Variants in ASPDH observed in about 807,000 individuals in gnomAD.
ASPDH encodes aspartate dehydrogenase domain containing, also known as aspartate dehydrogenase domain-containing protein.
A neutral mutation model predicts 30.5 loss-of-function variants in ASPDH; 25 were observed. The observed-to-expected ratio is 0.82, with a 90% confidence interval of 0.60 to 1.14. The LOEUF is 1.14. Ranked by LOEUF, ASPDH falls within the 50% of genes most tolerant of loss-of-function variation. The pLI is 0.00. For missense variants in ASPDH, 401 were observed against 381.5 expected, an observed-to-expected ratio of 1.05 and a Z score of -0.43; for synonymous variants, 168 against 156.3, an observed-to-expected ratio of 1.07 and a Z score of -0.56.
chr19:50,512,735 C>G lies in ASPDH; in HGVS notation c.358G>C (p.Ala120Pro), dbSNP rs934329482. 1 of 1,554,598 alleles carries G rather than the reference C, an allele frequency of 6.4e-7. No individual in the cohort carries two copies. Residue 120 changes from alanine (A) to proline (P), a missense_variant, in exon 4 of 7, where the codon GCC (alanine) becomes CCC (proline). Ala to Pro is a conservative substitution (Grantham distance 27). Coordinates refer to ENST00000389208, the MANE Select transcript of ASPDH (RefSeq NM_001114598.2). ...LLEASQHWDH[A>P]VFVARGALWG... ...AGGGCCCCTCGGGCCACAAACACGGCGTGGTCCCAGTGCTGTGAGGCCTCC... is the reference window on the plus strand; with the variant it reads ...AGGGCCCCTCGGGCCACAAACACGGGGTGGTCCCAGTGCTGTGAGGCCTCC...
In ASPDH at chr19:50,513,404, A is replaced by G; in HGVS notation, c.65T>C (p.Val22Ala). 1 of 1,514,830 alleles carries G rather than the reference A, an allele frequency of 6.6e-7. No homozygotes were observed. The allele number at this position is 1,514,830 out of a possible 1,614,324, so 93.8% of individuals were successfully genotyped here. A position where few individuals can be genotyped will look rare whatever the true frequency, so the allele number is the denominator to read the frequency against. Residue 22 changes from valine to alanine, a missense_variant, in exon 2 of 7, where the codon GTC becomes GCC. Transcript: ENST00000389208. This position sits in a 1 kb window ranked among gnomAD's most constrained non-coding sequence, Gnocchi z 4.9. ...TGGTCCCTGAGCCAAGAGGCGGGAG[A>G]CGAGGGACTGTCCTGGGGAGAGGGA... Reference protein sequence around the residue: ...VGYGRLGQSLVSRLLAQGPEL... With the variant: ...VGYGRLGQSLASRLLAQGPEL...
chr19:50,511,940 T>A (rs1555804015), intron 6 of ASPDH, 167 bp from the exon 7 acceptor site: 1 of 317,798 alleles, frequency 3.1e-6, no homozygotes, highest in East Asian at 5.4e-5. Context: ...AGAGTCTCGA[T>A]CAGAGGCGGG....
At position 50,512,644 on chromosome 19, in the gene ASPDH, A is replaced by G. The variant is rs1980014100; in HGVS notation, c.432+17T>C. On this transcript the variant is annotated intron_variant, in intron 4 of 6. Transcript: ENST00000389208. ...TGCAGGCCTCCCCTGGTTCCTGGGG[A>G]GCCCAGCAGGCCTCACCCGGAGGCC... The G allele has an allele frequency of 6.6e-7, 1 of 1,518,248 alleles. No homozygotes were observed. The highest frequency in any genetic ancestry group is 8.8e-7 in the Non-Finnish European group (1 of 1,132,670). 94.0% of individuals were successfully genotyped at this position (1,518,248 alleles called of 1,614,324 possible).
chr19:50,513,008 G>A lies in ASPDH; in HGVS notation c.201C>T (p.Arg67=), dbSNP rs1223679989. The A allele has an allele frequency of 1.2e-6, 2 of 1,612,840 alleles. No individual in the cohort carries two copies. Among genetic ancestry groups the A allele is most frequent in the South Asian group, 1.1e-5 (1 of 90,958 alleles). The change falls in exon 3 of 7, where the codon CGC becomes CGT. Residue 67 remains arginine, a synonymous_variant. Coordinates refer to ENST00000389208, the MANE Select transcript of ASPDH (RefSeq NM_001114598.2). The surrounding 1 kb of genome is among the most constrained non-coding windows in gnomAD (Gnocchi z 4.9). ...LQNLAALGER[R]PDLVVEVAHP... is the part of the protein sequence containing the mutation. ...GGGCCACTTCCACAACCAGATCAGG[G>A]CGCCTGGGAGAGGGGAAAGAGGGCG...
Position 50,512,733 on chromosome 19 carries a change from G to A in ASPDH, c.360C>T (p.Ala120=), listed in dbSNP as rs1358621493. 18 of 1,554,208 alleles carry A rather than the reference G, an allele frequency of 1.2e-5. No homozygotes were observed. Among genetic ancestry groups the A allele is most frequent in the African/African-American group, 6.8e-5 (5 of 73,300 alleles). Residue 120 remains alanine (A), a synonymous_variant, in exon 4 of 7, where the codon GCC becomes GCT. Transcript: ENST00000389208. The part of the protein sequence containing the change: ...LLEASQHWDH[A]VFVARGALWG... ...ACAGGGCCCCTCGGGCCACAAACAC[G>A]GCGTGGTCCCAGTGCTGTGAGGCCT...
rs1286808510 is a variant in ASPDH, at chr19:50,512,308, G to A, written c.654-18C>T. Reference sequence around the variant, plus strand: ...CCGTGAGGCTGGGACAAGAGGGGCAGTCAGTCTGGAGAGCCTGGACTCAGC... The same window carrying A: ...CCGTGAGGCTGGGACAAGAGGGGCAATCAGTCTGGAGAGCCTGGACTCAGC... On this transcript the variant is annotated intron_variant, in intron 5 of 6. Coordinates refer to ENST00000389208, the MANE Select transcript of ASPDH (RefSeq NM_001114598.2). The A allele has an allele frequency of 1.2e-6, 2 of 1,613,748 alleles. No individual in the cohort carries two copies. The highest frequency in any genetic ancestry group is 1.7e-5 in the Admixed American group (1 of 59,988).
chr19:50,512,297 CAA>C lies in ASPDH; in HGVS notation c.654-9_654-8del. 1 of 1,613,812 alleles carries C rather than the reference CAA, an allele frequency of 6.2e-7. No homozygotes were observed. The highest frequency in any genetic ancestry group is 1.1e-5 in the South Asian group (1 of 91,082). On this transcript the variant is annotated splice_region_variant and splice_polypyrimidine_tract_variant and intron_variant, in intron 5 of 6. Coordinates refer to ENST00000389208, the MANE Select transcript of ASPDH (RefSeq NM_001114598.2). ...CACGTGCATGTCCGTGAGGCTGGGA[CAA>C]GAGGGGCAGTCAGTCTGGAGAGCCT...
chr19:50,514,508 A>G (rs756368145), upstream of ASPDH: 2 of 1,613,834 alleles, frequency 1.2e-6, no homozygotes, highest in South Asian at 1.1e-5. Flanking sequence ...TCTGTCCCCC[A>G]TCGTGCCACC....
upstream of ASPDH, chr19:50,514,877 A>G: frequency 1.0e-6 from 1 of 984,964 alleles, no homozygotes; most frequent in Non-Finnish European, 1.2e-6. Context: ...GCGGGCAGAC[A>G]GAGAGGGGCC....
Position 50,513,100 on chromosome 19 carries a change from C to T in ASPDH, c.198-89G>A. ...CCCTCCGAGTCTACTGAGGGCTGCC[C>T]TTCTTCTCCCTGACCTGGGAGGCGA... On this transcript the variant is annotated intron_variant, in intron 2 of 6. Coordinates refer to ENST00000389208, the MANE Select transcript of ASPDH (RefSeq NM_001114598.2). The surrounding 1 kb of genome is among the most constrained non-coding windows in gnomAD (Gnocchi z 4.9). 3.0e-6 allele frequency: 4 copies of T among 1,316,702 alleles called. No individual in the cohort carries two copies. The South Asian group carries it at 5.6e-5, about 18-fold the overall frequency. The allele number at this position is 1,316,702 out of a possible 1,614,324, so 81.6% of individuals were successfully genotyped here. A position where few individuals can be genotyped will look rare whatever the true frequency, so the allele number is the denominator to read the frequency against.
chr19:50,512,302 G>A lies in ASPDH; in HGVS notation c.654-12C>T. 5 of 1,613,864 alleles carry A rather than the reference G, an allele frequency of 3.1e-6. No individual in the cohort carries two copies. Among genetic ancestry groups the A allele is most frequent in the South Asian group, 1.1e-5 (1 of 91,082 alleles). ...GCATGTCCGTGAGGCTGGGACAAGA[G>A]GGGCAGTCAGTCTGGAGAGCCTGGA... On this transcript the variant is annotated splice_polypyrimidine_tract_variant and intron_variant, in intron 5 of 6. Coordinates refer to ENST00000389208, the MANE Select transcript of ASPDH (RefSeq NM_001114598.2).
chr19:50,514,991 A>G (rs1348791611), upstream of ASPDH: 2 of 985,288 alleles, frequency 2.0e-6, no homozygotes, highest in Non-Finnish European at 2.4e-6. Flanking sequence ...GCCTGGGTGT[A>G]GACAGAGCCA....
chr19:50,513,928 T>A, upstream of ASPDH: 12 of 1,370,476 alleles, frequency 8.8e-6, no homozygotes, highest in Non-Finnish European at 9.8e-6. This position sits in a 1 kb window ranked among gnomAD's most constrained non-coding sequence, Gnocchi z 4.9. Flanking sequence ...CTTGAGCCTC[T>A]GGGCTCAGTC....
intron 3 of ASPDH, 23 bp downstream of exon 3, chr19:50,512,904 T>C: frequency 2.5e-6 from 4 of 1,609,440 alleles, no homozygotes; most frequent in Non-Finnish European, 3.4e-6. Context: ...GGGCTCTGCG[T>C]AAATGGTTGG....
intron 6 of ASPDH, 151 bp downstream of exon 6, chr19:50,511,985 A>G (rs1254283330): frequency 1.3e-6 from 1 of 787,486 alleles, no homozygotes; most frequent in African/African-American, 1.8e-5. Context: ...CAGGATTCAA[A>G]GTCATGGAGA....
upstream of ASPDH, chr19:50,514,814 CGGG>C: frequency 3.1e-5 from 14 of 447,074 alleles, no homozygotes; most frequent in Non-Finnish European, 4.3e-5. Flanking sequence ...GTGGGGGGGG[CGGG>C]CACTGGGTGG....
rs1255866805 is a variant in ASPDH, at chr19:50,513,569, A to G, written c.53-153T>C. 6.6e-6 allele frequency among the ~76,000 whole-genome samples: 1 copy of G among 151,428 alleles called. No homozygotes were observed. The highest frequency in any genetic ancestry group is 2.4e-5 in the African/African-American group (1 of 41,202). On this transcript the variant is annotated intron_variant, in intron 1 of 6. Coordinates refer to ENST00000389208, the MANE Select transcript of ASPDH (RefSeq NM_001114598.2). The surrounding 1 kb of genome is among the most constrained non-coding windows in gnomAD (Gnocchi z 4.9). Reference sequence around the variant, plus strand: ...AGACAGAGATGGGGGCAGGGCAGAGACACAGTGGGGTGGACAGAGGCCCAG... The same window carrying G: ...AGACAGAGATGGGGGCAGGGCAGAGGCACAGTGGGGTGGACAGAGGCCCAG...
At chr19:50,512,901 G>A (rs1263072151) in intron 3 of ASPDH, 26 bp downstream of exon 3, 1 of 1,608,552 alleles carries the variant, frequency 6.2e-7, no homozygotes, top group South Asian at 1.1e-5. Flanking sequence ...GCAGGGCTCT[G>A]CGTAAATGGT....
At chr19:50,511,887 CGG>C in intron 6 of ASPDH, 114 bp from the exon 7 acceptor site, 1 of 794,378 alleles carries the variant, frequency 1.3e-6, no homozygotes, top group Non-Finnish European at 1.9e-6. Flanking sequence ...GAGGAAGACC[CGG>C]AGAGAGCGGG....
Sources: gnomAD v4.1 joint callset for allele counts (sites outside exome capture counted in the v4.1 genomes callset) on GRCh38, gnomAD v4.1.1 for gene constraint, Gnocchi (gnomAD v3.1) non-coding constraint, MANE v1.5 for transcripts, NCBI Gene and HGNC (gene_info 2026-07-23, HGNC 2026-07-21) for gene names.